EXTL2: variants seen among roughly 807,000 people sequenced by gnomAD.
EXTL2 encodes the protein exostosin like glycosyltransferase 2, also known as exostosin-like 2.
In EXTL2, 23 loss-of-function variants were observed where a neutral mutation model predicts 30.7. That is an observed-to-expected ratio of 0.75 (90% CI 0.54 to 1.06). The LOEUF is 1.06. Among genes scored for constraint, EXTL2 ranks in the 50% least tolerant of loss-of-function variants. EXTL2 has a pLI of 0.00. For synonymous variants in EXTL2, 123 were observed against 133.8 expected (o/e 0.92, Z 0.56); for missense variants, 352 against 396.3 (o/e 0.89, Z 0.95).
chr1:100,894,350 T>A lies in EXTL2; in HGVS notation c.-72+283A>T, dbSNP rs142071340. ...CAAAAAAAGAGTAAATGCTACTAAT[T>A]TTAAATATTTCTACACTTAAATTAA... is the stretch of plus-strand genomic sequence containing the variant. On this transcript the variant is annotated intron_variant, in intron 1 of 4. Coordinates refer to ENST00000370114, the MANE Select transcript of EXTL2 (RefSeq NM_001033025.3). Among the ~76,000 whole-genome samples, 97 of 152,266 alleles carry A rather than the reference T, an allele frequency of 6.4e-4. 1 individual carries two copies. The highest frequency in any genetic ancestry group is 2.3e-3 in the African/African-American group (96 of 41,546).
chr1:100,889,845 C>A (rs978635547), intron 1 of EXTL2, among the ~76,000 whole-genome samples: 4 of 152,174 alleles, frequency 2.6e-5, no homozygotes, highest in African/African-American at 9.7e-5. Flanking sequence ...AGGGTACAGT[C>A]CCCCTCCTGG....
Position 100,877,358 on chromosome 1 carries a change from A to T in EXTL2, c.433+118T>A. The T allele has an allele frequency of 1.1e-6, 1 of 902,550 alleles. No individual in the cohort carries two copies. Among genetic ancestry groups the T allele is most frequent in the South Asian group, 1.9e-5 (1 of 52,622 alleles). The allele number at this position is 902,550 out of a possible 1,614,324, so 55.9% of individuals were successfully genotyped here. A position where few individuals can be genotyped will look rare whatever the true frequency, so the allele number is the denominator to read the frequency against. On this transcript the variant is annotated intron_variant, in intron 3 of 4. Coordinates refer to ENST00000370114, the MANE Select transcript of EXTL2 (RefSeq NM_001033025.3). This position sits in a 1 kb window ranked among gnomAD's most constrained non-coding sequence, Gnocchi z 4.1. ...CTCAAGCTTTCCAAAGTGCTTTCTT[A>T]GGACTAACTTCCTTCATTTTTCTCC...
Position 100,873,878 on chromosome 1 carries a change from C to T in EXTL2, c.*64G>A. On this transcript the variant is annotated 3_prime_UTR_variant, in exon 5 of 5. Transcript: ENST00000370114. ...ATTCATGATGTTGCTTAAAAAAATA[C>T]ATAGCATGGAGAAGCTACTCAAATG... The T allele has an allele frequency of 3.4e-6, 5 of 1,473,384 alleles. No individual in the cohort carries two copies. Among genetic ancestry groups the T allele is most frequent in the Middle Eastern group, 1.8e-4 (1 of 5,466 alleles). The allele number at this position is 1,473,384 out of a possible 1,614,324, so 91.3% of individuals were successfully genotyped here. A position where few individuals can be genotyped will look rare whatever the true frequency, so the allele number is the denominator to read the frequency against.
At position 100,888,536 on chromosome 1, in the gene EXTL2, G is replaced by A. The variant is rs186041504; in HGVS notation, c.5+217C>T. The A allele has an allele frequency of 3.1e-3, 1,117 of 363,874 alleles. 10 individuals carry two copies. The highest frequency in any genetic ancestry group is 4.1e-3 in the Non-Finnish European group (815 of 200,326). 22.5% of individuals were successfully genotyped at this position (363,874 alleles called of 1,614,324 possible). A position where few individuals can be genotyped will look rare whatever the true frequency, so the allele number is the denominator to read the frequency against. On this transcript the variant is annotated intron_variant, in intron 2 of 4. Transcript: ENST00000370114. ...TATAGAAACAGAAAGAATGGCAGTT[G>A]CCAGGGGCTGGGAGTAGGAAGAAAT...
chr1:100,882,165 A>G (rs538334991), intron 2 of EXTL2, among the ~76,000 whole-genome samples: 1 of 152,312 alleles, frequency 6.6e-6, no homozygotes, highest in South Asian at 2.1e-4. Flanking sequence ...AAGCTTGGGG[A>G]CCACTGCTGG....
At chr1:100,893,854 A>C (rs1570482504) in intron 1 of EXTL2, among the ~76,000 whole-genome samples, 1 of 152,310 alleles carries the variant, frequency 6.6e-6, no homozygotes, top group East Asian at 1.9e-4. Flanking sequence ...GAAGGTCCTC[A>C]TGGGAATACC....
intron 2 of EXTL2, among the ~76,000 whole-genome samples, chr1:100,884,388 T>G (rs561729735): frequency 6.6e-6 from 1 of 152,256 alleles, no homozygotes; most frequent in African/African-American, 2.4e-5. Context: ...AGAGATAAAA[T>G]CATTCCAAGG....
chr1:100,875,922 G>GA (rs1006886561), intron 4 of EXTL2, among the ~76,000 whole-genome samples: 21 of 150,860 alleles, frequency 1.4e-4, no homozygotes, highest in Middle Eastern at 3.4e-3. Context: ...CCAAGGACTG[G>GA]AAAAAAAAAT....
rs1174040512 is a variant in EXTL2, at chr1:100,874,366, T to C, written c.569A>G (p.Tyr190Cys). The part of the protein sequence containing the change: ...RKHVSTSSGI[Y>C]SYGSFEMQAP... ...TTGCATTTCAAAACTTCCATAACTG[T>C]AGATACCTGATGAAGTAGAGACGTG... Residue 190 changes from tyrosine to cysteine, a missense_variant, in exon 5 of 5, where the codon TAC (tyrosine) becomes TGC (cysteine). Physicochemically the swap from Tyr to Cys is radical, Grantham distance 194. Coordinates refer to ENST00000370114, the MANE Select transcript of EXTL2 (RefSeq NM_001033025.3). The C allele has an allele frequency of 6.2e-7, 1 of 1,612,294 alleles. No homozygotes were observed. Among genetic ancestry groups the C allele is most frequent in the Non-Finnish European group, 8.5e-7 (1 of 1,179,046 alleles).
At chr1:100,879,390 G>C (rs901320827) in intron 2 of EXTL2, among the ~76,000 whole-genome samples, 2 of 152,100 alleles carry the variant, frequency 1.3e-5, no homozygotes, top group Non-Finnish European at 2.9e-5. Flanking sequence ...TGCAAAGCCA[G>C]AAGTGAGGAA....
intron 1 of EXTL2, among the ~76,000 whole-genome samples, chr1:100,893,406 G>A (rs1051457513): frequency 6.6e-6 from 1 of 152,154 alleles, no homozygotes; most frequent in African/African-American, 2.4e-5. Flanking sequence ...CATCCCTTGT[G>A]TAAATTTTAA....
chr1:100,892,948 T>C (rs535653330), intron 1 of EXTL2, among the ~76,000 whole-genome samples: 2 of 152,322 alleles, frequency 1.3e-5, no homozygotes, highest in South Asian at 4.1e-4. Flanking sequence ...TTCCTATTCC[T>C]TGCTGACCAT....
In EXTL2 at chr1:100,872,445, A is replaced by C. The variant is rs1463899016; in HGVS notation, c.*1497T>G. 1 of 152,520 alleles carries C rather than the reference A, an allele frequency of 6.6e-6. No homozygotes were observed. Among genetic ancestry groups the C allele is most frequent in the Non-Finnish European group, 1.5e-5 (1 of 67,980 alleles). The allele number at this position is 152,520 out of a possible 1,614,324, so 9.4% of individuals were successfully genotyped here. On this transcript the variant is annotated 3_prime_UTR_variant, in exon 5 of 5. Coordinates refer to ENST00000370114, the MANE Select transcript of EXTL2 (RefSeq NM_001033025.3). ...GAGGAATCATAAGAGGCAAAAAAGT[A>C]CTACCAATATTGGACAAAACAGATA...
chr1:100,874,094 A>ACTCG lies in EXTL2; in HGVS notation c.840_841insCGAG (p.Ser281ArgfsTer9), dbSNP rs780857307. 3.1e-6 allele frequency: 5 copies of ACTCG among 1,613,020 alleles called. No homozygotes were observed. In the Admixed American group the frequency reaches 8.4e-5, roughly 27 times the overall value. ...TGCTCAGCTCGATGCCACATTCCAG[A>ACTCG]ATAGCCACTGTTGGTTTCTTTTTCC... On this transcript the variant is annotated frameshift_variant, in exon 5 of 5. Transcript: ENST00000370114. LOFTEE classifies it high-confidence loss of function.
intron 2 of EXTL2, among the ~76,000 whole-genome samples, chr1:100,885,066 C>A (rs1335960102): frequency 6.6e-6 from 1 of 152,172 alleles, no homozygotes; most frequent in Non-Finnish European, 1.5e-5. Context: ...AGCAACTGTT[C>A]CCTACATAGA....
At chr1:100,875,541 G>A (rs1649046349) in intron 4 of EXTL2, among the ~76,000 whole-genome samples, 1 of 151,878 alleles carries the variant, frequency 6.6e-6, no homozygotes, top group Non-Finnish European at 1.5e-5. Context: ...GCTAGAGAGG[G>A]AAAAGGGAAA....
chr1:100,874,408 C>A lies in EXTL2; in HGVS notation c.527G>T (p.Gly176Val). Reference sequence around the variant, plus strand: ...AGAGACGTGCTTTCTAGGAACAAATCCTACAATTTGATCAGGAAATTGCTG... The same window carrying A: ...AGAGACGTGCTTTCTAGGAACAAATACTACAATTTGATCAGGAAATTGCTG... ...VWQQFPDQIV[G>V]FVPRKHVSTS... Residue 176 changes from glycine (G) to valine (V), a missense_variant, in exon 5 of 5, where the codon GGA becomes GTA. By Grantham distance (109) the Gly-to-Val change is moderately radical. Transcript: ENST00000370114. 2 of 1,588,824 alleles carry A rather than the reference C, an allele frequency of 1.3e-6. No homozygotes were observed. Among genetic ancestry groups the A allele is most frequent in the Non-Finnish European group, 1.7e-6 (2 of 1,166,854 alleles).
intron 1 of EXTL2, among the ~76,000 whole-genome samples, chr1:100,890,939 T>C (rs1650374617): frequency 6.6e-6 from 1 of 152,246 alleles, no homozygotes; most frequent in Non-Finnish European, 1.5e-5. Context: ...CTTCACCAGG[T>C]AAAAAACTAT....
rs74772581 is a variant in EXTL2, at chr1:100,888,677, C to A, written c.5+76G>T. On this transcript the variant is annotated intron_variant, in intron 2 of 4. Coordinates refer to ENST00000370114, the MANE Select transcript of EXTL2 (RefSeq NM_001033025.3). ...ACACTACTGAACTATATACTTAAAA[C>A]CCGTTAAGGTGATAAATTTTGTGTT... 4.9e-5 allele frequency: 37 copies of A among 750,908 alleles called. No homozygotes were observed. The East Asian group carries it at 9.2e-4, about 19-fold the overall frequency. The allele number at this position is 750,908 out of a possible 1,614,324, so 46.5% of individuals were successfully genotyped here. A position where few individuals can be genotyped will look rare whatever the true frequency, so the allele number is the denominator to read the frequency against.
Sources: allele counts gnomAD v4.1 joint callset (sites outside exome capture counted in the v4.1 genomes callset), GRCh38; gene constraint gnomAD v4.1.1; non-coding constraint Gnocchi (gnomAD v3.1); transcripts MANE v1.5; gene names NCBI Gene and HGNC (gene_info 2026-07-23, HGNC 2026-07-21).